MOB3B: variants seen among roughly 807,000 people sequenced by gnomAD.
The protein encoded by MOB3B is MOB kinase activator-like 2B.
MOB3B carries 7 observed loss-of-function variants against 18.7 expected under a neutral mutation model. The observed-to-expected ratio is 0.37, with a 90% confidence interval of 0.21 to 0.70. The LOEUF (loss-of-function observed/expected upper bound fraction) is 0.70, where lower values mean the gene tolerates loss of function less well. Ranked by LOEUF, MOB3B falls within the 30% of genes least tolerant of loss-of-function variation. The pLI is 0.52. For missense variants in MOB3B, 253 were observed against 281.3 expected, an observed-to-expected ratio of 0.90 and a Z score of 0.72; for synonymous variants, 111 against 99.9, an observed-to-expected ratio of 1.11 and a Z score of -0.66.
chr9:27,417,156 G>C (rs1345205496), intron 2 of MOB3B, among the ~76,000 whole-genome samples: 1 of 152,140 alleles, frequency 6.6e-6, no homozygotes. Context: ...GAGGTGAGGA[G>C]ATCGAGACCA....
At chr9:27,447,269 C>T (rs1014150567) in intron 2 of MOB3B, among the ~76,000 whole-genome samples, 2 of 152,132 alleles carry the variant, frequency 1.3e-5, no homozygotes, top group Admixed American at 1.3e-4. Flanking sequence ...CCTGCTGATA[C>T]ACCCCTTAAA....
At position 27,407,273 on chromosome 9, in the gene MOB3B, G is replaced by A. The variant is rs376691258; in HGVS notation, c.418+47860C>T. On this transcript the variant is annotated intron_variant, in intron 2 of 3. Transcript: ENST00000262244. The stretch of plus-strand genomic sequence containing the variant: ...CAACATCAGGGAACCATTCCCAGAC[G>A]TGGCTGTGGATGCTGCCATTTCTTG... 1.1e-4 allele frequency among the ~76,000 whole-genome samples: 16 copies of A among 152,330 alleles called. 1 individual carries two copies. The highest frequency in any genetic ancestry group is 5.8e-4 in the East Asian group (3 of 5,190).
At chr9:27,357,596 T>C (rs1451186767) in intron 3 of MOB3B, among the ~76,000 whole-genome samples, 1 of 151,954 alleles carries the variant, frequency 6.6e-6, no homozygotes, top group Admixed American at 6.6e-5. Flanking sequence ...ATGGTGAAGG[T>C]TCTTGCTCAA....
intron 1 of MOB3B, among the ~76,000 whole-genome samples, chr9:27,498,031 A>G (rs1001268798): frequency 3.3e-5 from 5 of 152,208 alleles, no homozygotes; most frequent in African/African-American, 9.7e-5. Flanking sequence ...TAGCAGGATA[A>G]TAGAAGAGGG....
At position 27,498,361 on chromosome 9, in the gene MOB3B, G is replaced by A. The variant is rs376180592; in HGVS notation, c.-199+31194C>T. Among the ~76,000 whole-genome samples the A allele has an allele frequency of 3.9e-5, 6 of 152,198 alleles. No homozygotes were observed. In the East Asian group the frequency reaches 5.8e-4, roughly 15 times the overall value. ...CATTGTTTAATTGGCTTTGGGAGTC[G>A]TATGAGCTGTGCGAGACCTTTAATT... On this transcript the variant is annotated intron_variant, in intron 1 of 3. Transcript: ENST00000262244.
chr9:27,522,623 C>T (rs914285310), intron 1 of MOB3B, among the ~76,000 whole-genome samples: 2 of 151,830 alleles, frequency 1.3e-5, no homozygotes, highest in African/African-American at 4.8e-5. Flanking sequence ...TATTGCTGAA[C>T]ATTAAAATTG....
chr9:27,339,677 T>G (rs1820912893), intron 3 of MOB3B, among the ~76,000 whole-genome samples: 2 of 152,352 alleles, frequency 1.3e-5, no homozygotes, highest in Admixed American at 6.5e-5. Flanking sequence ...TCACTAATAA[T>G]TACCCTGGCC....
intron 3 of MOB3B, among the ~76,000 whole-genome samples, chr9:27,350,337 G>A (rs1308104233): frequency 6.6e-6 from 1 of 150,972 alleles, no homozygotes; most frequent in East Asian, 1.9e-4. Flanking sequence ...CATATGATTA[G>A]TGATTTTCCA....
At chr9:27,458,662 T>C (rs1174675444) in intron 1 of MOB3B, among the ~76,000 whole-genome samples, 1 of 145,666 alleles carries the variant, frequency 6.9e-6, no homozygotes, top group Admixed American at 6.8e-5. Flanking sequence ...ACGATCCTCC[T>C]GTCTCAGCCT....
In MOB3B at chr9:27,388,820, A is replaced by G. The variant is rs368292415; in HGVS notation, c.419-29584T>C. ...CCTTTCTCAAGCCAGAAACCCAGTC[A>G]ACATCCTCCGTGTCTTCTTCCCTAC... On this transcript the variant is annotated intron_variant, in intron 2 of 3. Transcript: ENST00000262244. Among the ~76,000 whole-genome samples, 267 of 152,228 alleles carry G rather than the reference A, an allele frequency of 1.8e-3. 1 individual carries two copies. Among genetic ancestry groups the G allele is most frequent in the Non-Finnish European group, 3.2e-3 (220 of 68,014 alleles).
chr9:27,502,199 C>T (rs1417731197), intron 1 of MOB3B, among the ~76,000 whole-genome samples: 12 of 152,146 alleles, frequency 7.9e-5, no homozygotes, highest in Non-Finnish European at 1.3e-4. Flanking sequence ...AGACAATGAG[C>T]GAATTCTCCA....
intron 1 of MOB3B, among the ~76,000 whole-genome samples, chr9:27,520,890 T>C: frequency 6.6e-6 from 1 of 152,168 alleles, no homozygotes; most frequent in Non-Finnish European, 1.5e-5. Flanking sequence ...AGAAAAACAA[T>C]GAATGACTTT....
chr9:27,417,207 A>G (rs910390668), intron 2 of MOB3B, among the ~76,000 whole-genome samples: 10 of 152,122 alleles, frequency 6.6e-5, no homozygotes, highest in African/African-American at 2.2e-4. Flanking sequence ...ACTAAAAAAT[A>G]CAAAAAATTA....
chr9:27,418,970 T>C (rs1038444797), intron 2 of MOB3B, among the ~76,000 whole-genome samples: 8 of 151,396 alleles, frequency 5.3e-5, no homozygotes, highest in Non-Finnish European at 1.2e-4. Flanking sequence ...GGATACAAGA[T>C]TAATGTACAC....
intron 2 of MOB3B, among the ~76,000 whole-genome samples, chr9:27,449,042 G>C (rs1231628516): frequency 6.6e-6 from 1 of 152,132 alleles, no homozygotes. Flanking sequence ...ACATGAACAG[G>C]TTTAGTATTC....
chr9:27,387,434 T>G (rs139171256), intron 2 of MOB3B, among the ~76,000 whole-genome samples: 1 of 152,346 alleles, frequency 6.6e-6, no homozygotes, highest in South Asian at 2.1e-4. Flanking sequence ...GGTAGGTCAC[T>G]GCACTTCAGT....
intron 2 of MOB3B, among the ~76,000 whole-genome samples, chr9:27,430,894 CA>C (rs1554649052): frequency 6.7e-6 from 1 of 148,922 alleles, no homozygotes; most frequent in Non-Finnish European, 1.5e-5. Context: ...GATTCTGTTC[CA>C]CAGTTTGTTA....
At chr9:27,354,381 G>A (rs1821153586) in intron 3 of MOB3B, among the ~76,000 whole-genome samples, 1 of 152,204 alleles carries the variant, frequency 6.6e-6, no homozygotes, top group East Asian at 1.9e-4. Context: ...AGTGTGAGAG[G>A]ATTCAAGATT....
At chr9:27,358,870 G>T in intron 3 of MOB3B, 164 bp downstream of exon 3, 1 of 789,218 alleles carries the variant, frequency 1.3e-6, no homozygotes, top group Middle Eastern at 2.5e-4. Context: ...GGACATCTTG[G>T]CATCTCCTGG....
Sources: allele counts gnomAD v4.1 joint callset (sites outside exome capture counted in the v4.1 genomes callset), GRCh38; gene constraint gnomAD v4.1.1; transcripts MANE v1.5; gene names NCBI Gene and HGNC (gene_info 2026-07-23, HGNC 2026-07-21).